The following KCNMA1 variants were observed in gnomAD, a reference collection of about 807,000 sequenced individuals.
KCNMA1 encodes the protein Calcium-activated potassium channel subunit alpha-1.
In KCNMA1, 29 loss-of-function variants were observed where a neutral mutation model predicts 140.0. The observed-to-expected ratio is 0.21, with a 90% CI of 0.15 to 0.28. KCNMA1 has a LOEUF of 0.28. Among genes scored for constraint, KCNMA1 ranks in the 10% least tolerant of loss-of-function variants. KCNMA1 has a pLI of 1.00. For synonymous variants in KCNMA1, 612 were observed against 611.9 expected, an observed-to-expected ratio of 1.00 and a Z score of 0.00; for missense variants, 880 against 1,602.2, an observed-to-expected ratio of 0.55 and a Z score of 7.70.
intron 2 of KCNMA1, among the ~76,000 whole-genome samples, chr10:77,377,243 T>C (rs1426533105): frequency 6.6e-6 from 1 of 152,172 alleles, no homozygotes; most frequent in Non-Finnish European, 1.5e-5. Context: ...CACCTTTCAC[T>C]GACCTTCAGC....
At chr10:77,514,438 C>T (rs1366011437) in intron 1 of KCNMA1, among the ~76,000 whole-genome samples, 2 of 152,174 alleles carry the variant, frequency 1.3e-5, no homozygotes, top group Non-Finnish European at 2.9e-5. Flanking sequence ...AGTTCAGCCT[C>T]TTCCTCCAAG....
Position 77,369,535 on chromosome 10 carries a change from T to C in KCNMA1, c.540+34327A>G, listed in dbSNP as rs149758663. Among the ~76,000 whole-genome samples the C allele has an allele frequency of 1.7e-3, 254 of 152,296 alleles. 2 individuals carry two copies. The highest frequency in any genetic ancestry group is 5.9e-3 in the African/African-American group (247 of 41,570). On this transcript the variant is annotated intron_variant, in intron 2 of 27. Transcript: ENST00000286628. The stretch of plus-strand genomic sequence containing the variant: ...GTTCATTCCTTTTCAACCCTAGATG[T>C]ATATTGGAATCCTTTGAGGATAGAG...
At chr10:76,978,316 G>T (rs2078316004) in intron 19 of KCNMA1, 1 of 152,198 alleles carries the variant, frequency 6.6e-6, no homozygotes, top group Non-Finnish European at 1.5e-5. Flanking sequence ...GGCTTAATCA[G>T]AATATCTCTG....
chr10:77,526,299 T>C (rs1301682258), intron 1 of KCNMA1, among the ~76,000 whole-genome samples: 1 of 152,200 alleles, frequency 6.6e-6, no homozygotes, highest in Non-Finnish European at 1.5e-5. Context: ...TTTGAGTCAG[T>C]GTTCTTGATC....
intron 1 of KCNMA1, among the ~76,000 whole-genome samples, chr10:77,579,644 T>G (rs937035018): frequency 2.0e-5 from 3 of 152,116 alleles, no homozygotes; most frequent in African/African-American, 7.2e-5. Flanking sequence ...GGGGAAGTTT[T>G]GGGAGGTTTT....
At chr10:76,891,903 T>C (rs1303594005) in intron 25 of KCNMA1, among the ~76,000 whole-genome samples, 184 bp from the exon 26 acceptor site, 1 of 152,202 alleles carries the variant, frequency 6.6e-6, no homozygotes, top group East Asian at 1.9e-4. Context: ...ATTTTCTCTC[T>C]TGCTTGGCTC....
At chr10:77,142,650 G>A (rs941377457) in intron 5 of KCNMA1, among the ~76,000 whole-genome samples, 5 of 152,158 alleles carry the variant, frequency 3.3e-5, no homozygotes, top group Non-Finnish European at 7.4e-5. Flanking sequence ...TAGATGGCCT[G>A]GTCCTGACTT....
intron 2 of KCNMA1, among the ~76,000 whole-genome samples, chr10:77,353,772 A>G (rs2093164925): frequency 6.6e-6 from 1 of 152,172 alleles, no homozygotes; most frequent in Non-Finnish European, 1.5e-5. Flanking sequence ...GCCAAATGAC[A>G]AAAGGAAACA....
chr10:76,964,478 G>A (rs2073065944), intron 20 of KCNMA1, among the ~76,000 whole-genome samples: 1 of 152,102 alleles, frequency 6.6e-6, no homozygotes, highest in African/African-American at 2.4e-5. Context: ...CCAGGGACCT[G>A]TGTGGTCCAC....
At chr10:77,522,912 A>G (rs1189761741) in intron 1 of KCNMA1, among the ~76,000 whole-genome samples, 1 of 152,246 alleles carries the variant, frequency 6.6e-6, no homozygotes, top group African/African-American at 2.4e-5. Flanking sequence ...CTGTTAAAGC[A>G]TAACAAGTCT....
At chr10:76,992,153 GT>G (rs1170809951) in intron 19 of KCNMA1, among the ~76,000 whole-genome samples, 1 of 152,164 alleles carries the variant, frequency 6.6e-6, no homozygotes, top group Non-Finnish European at 1.5e-5. Flanking sequence ...GGCTGGGGGA[GT>G]TTTTTCTTGC....
chr10:77,237,431 T>G (rs1025576227), intron 3 of KCNMA1, among the ~76,000 whole-genome samples: 1 of 152,214 alleles, frequency 6.6e-6, no homozygotes, highest in Admixed American at 6.5e-5. Flanking sequence ...TGTTCACCAC[T>G]AGGCTCCTTC....
chr10:76,914,596 CA>C (rs1296288850), intron 24 of KCNMA1: 28 of 354,070 alleles, frequency 7.9e-5, no homozygotes, highest in Admixed American at 2.5e-4. Context: ...GAGGTTCTTA[CA>C]GTAAAAATCA....
intron 6 of KCNMA1, among the ~76,000 whole-genome samples, chr10:77,114,007 G>T (rs116041757): frequency 0.012 from 1,894 of 152,216 alleles, 46 homozygotes; most frequent in African/African-American, 0.043. Context: ...TCTCTTCGGG[G>T]ATGGCATCAC....
intron 12 of KCNMA1, among the ~76,000 whole-genome samples, chr10:77,083,803 C>G (rs2153750022): frequency 6.7e-6 from 1 of 148,800 alleles, no homozygotes; most frequent in Admixed American, 6.8e-5. Flanking sequence ...TCCCTGCACT[C>G]CAGCCTGGGC....
intron 1 of KCNMA1, among the ~76,000 whole-genome samples, chr10:77,614,913 A>G (rs889069911): frequency 1.3e-5 from 2 of 152,242 alleles, no homozygotes; most frequent in African/African-American, 4.8e-5. Flanking sequence ...ATATTTGCTT[A>G]ACCAAATGCC....
intron 2 of KCNMA1, among the ~76,000 whole-genome samples, chr10:77,359,342 G>A (rs563256252): frequency 1.7e-3 from 263 of 152,258 alleles, no homozygotes; most frequent in African/African-American, 6.0e-3. Context: ...TGCTGCCACC[G>A]CTGCTGCTGC....
intron 1 of KCNMA1, among the ~76,000 whole-genome samples, chr10:77,572,569 C>CATATATAGATATATATATAT (rs2071895474): frequency 2.7e-5 from 1 of 37,568 alleles, no homozygotes; most frequent in Non-Finnish European, 4.7e-5. Flanking sequence ...AAAAAAAATC[C>CATATATAGATATATATATAT]ATATATATAT....
intron 15 of KCNMA1, 35 bp downstream of exon 15, chr10:77,039,492 TG>T: frequency 2.4e-6 from 3 of 1,266,108 alleles, no homozygotes; most frequent in Non-Finnish European, 3.5e-6. Context: ...TCAATATCCC[TG>T]AAAGCCAAAG....
Sources: allele counts gnomAD v4.1 joint callset (sites outside exome capture counted in the v4.1 genomes callset), GRCh38; gene constraint gnomAD v4.1.1; transcripts MANE v1.5; gene names NCBI Gene and HGNC (gene_info 2026-07-23, HGNC 2026-07-21).